The following KDM8 variants were observed in gnomAD, a reference collection of about 807,000 sequenced individuals.
KDM8 encodes the protein bifunctional peptidase and arginyl-hydroxylase JMJD5.
KDM8 carries 35 observed loss-of-function variants against 46.9 expected under a neutral mutation model. The observed-to-expected ratio is 0.75, with a 90% confidence interval of 0.57 to 0.99. KDM8 has a LOEUF of 0.99. Among genes scored for constraint, KDM8 ranks in the 50% least tolerant of loss-of-function variants. The pLI is 0.00. For synonymous variants in KDM8, 232 were observed against 227.7 expected, an observed-to-expected ratio of 1.02 and a Z score of -0.17; for missense variants, 475 against 537.0, an observed-to-expected ratio of 0.88 and a Z score of 1.14.
At chr16:27,206,117 G>C in intron 1 of KDM8, 1 of 458,652 alleles carries the variant, frequency 2.2e-6, no homozygotes, top group Non-Finnish European at 2.9e-6. Context: ...ACCCTTTTAT[G>C]TAGAGCTCTC....
rs2083527039 is a variant in KDM8, at chr16:27,214,653, C to T, written c.666-223C>T. 1.2e-5 allele frequency: 6 copies of T among 498,812 alleles called. No individual in the cohort carries two copies. In the Admixed American group the frequency reaches 1.6e-4, roughly 13 times the overall value. The allele number at this position is 498,812 out of a possible 1,614,324, so 30.9% of individuals were successfully genotyped here. A position where few individuals can be genotyped will look rare whatever the true frequency, so the allele number is the denominator to read the frequency against. ...CAGCCCAGCCAACCAGACTTACCGGCCCTGTCTGCAAAGCTGCACAGCACT... is the reference window on the plus strand; with the variant it reads ...CAGCCCAGCCAACCAGACTTACCGGTCCTGTCTGCAAAGCTGCACAGCACT... On this transcript the variant is annotated intron_variant, in intron 3 of 7. Transcript: ENST00000286096.
In KDM8 at chr16:27,203,554, G is replaced by A. The variant is rs2083394070; in HGVS notation, c.-114G>A. The stretch of plus-strand genomic sequence containing the variant: ...CCTATGCTAGCCTCTGGCTCCTCAG[G>A]GGACACAGCCGAGTGGTCGGACCAA... On this transcript the variant is annotated 5_prime_UTR_variant, in exon 1 of 8. Coordinates refer to ENST00000286096, the MANE Select transcript of KDM8 (RefSeq NM_024773.3). 6.5e-6 allele frequency: 1 copy of A among 153,066 alleles called. No individual in the cohort carries two copies. 9.5% of individuals were successfully genotyped at this position (153,066 alleles called of 1,614,324 possible). A position where few individuals can be genotyped will look rare whatever the true frequency, so the allele number is the denominator to read the frequency against.
At chr16:27,215,413 C>T (rs1379561709) in intron 4 of KDM8, among the ~76,000 whole-genome samples, 1 of 152,042 alleles carries the variant, frequency 6.6e-6, no homozygotes, top group Non-Finnish European at 1.5e-5. Flanking sequence ...AACCCTGTCT[C>T]TATAAAAAAT....
rs552775688 is a variant in KDM8 at position 27,221,074 on chromosome 16, T to C, written c.*344T>C. On this transcript the variant is annotated 3_prime_UTR_variant, in exon 8 of 8. Coordinates refer to ENST00000286096, the MANE Select transcript of KDM8 (RefSeq NM_024773.3). ...ACACAGGCAGGGGTGAAACATGGGC[T>C]CTGAGGTTGGCTACCTGATTCAAAC... is the stretch of plus-strand genomic sequence containing the variant. 17 of 379,526 alleles carry C rather than the reference T, an allele frequency of 4.5e-5. No individual in the cohort carries two copies. The highest frequency in any genetic ancestry group is 2.9e-4 in the Admixed American group (8 of 27,174). The allele number at this position is 379,526 out of a possible 1,614,324, so 23.5% of individuals were successfully genotyped here.
At position 27,219,099 on chromosome 16, in the gene KDM8, T is replaced by G. The variant is rs1351524855; in HGVS notation, c.982T>G (p.Phe328Val). 6.2e-7 allele frequency: 1 copy of G among 1,610,108 alleles called. No individual in the cohort carries two copies. The highest frequency in any genetic ancestry group is 1.7e-5 in the Admixed American group (1 of 59,744). The change falls in exon 6 of 8, where the codon TTC becomes GTC. Residue 328 changes from phenylalanine (F) to valine (V), a missense_variant. Phe to Val is a conservative substitution (Grantham distance 50). Transcript: ENST00000286096. ...ACTACATCAGGATCCCCAGCAAAAC[T>G]TCCTAGTGCAGGTTGGAGCTGCAGC... ...SPLHQDPQQN[F>V]LVQVMGRKYI...
chr16:27,217,597 T>C (rs1793868669), intron 5 of KDM8, among the ~76,000 whole-genome samples: 1 of 152,210 alleles, frequency 6.6e-6, no homozygotes, highest in Non-Finnish European at 1.5e-5. Flanking sequence ...ACAGCTGATT[T>C]GAGACAGGTT....
At chr16:27,220,203 C>G in intron 6 of KDM8, 190 bp from the exon 7 acceptor site, 1 of 603,622 alleles carries the variant, frequency 1.7e-6, no homozygotes, top group Non-Finnish European at 3.0e-6. Context: ...CCTGGATGAC[C>G]GAGTGAGACC....
At chr16:27,212,033 C>G (rs1041661747) in intron 2 of KDM8, among the ~76,000 whole-genome samples, 1 of 151,960 alleles carries the variant, frequency 6.6e-6, no homozygotes, top group Non-Finnish European at 1.5e-5. Flanking sequence ...AAAAGAAAAT[C>G]AAATAAAGGG....
At position 27,215,275 on chromosome 16, in the gene KDM8, T is replaced by G. The variant is rs149615377; in HGVS notation, c.798+267T>G. Among the ~76,000 whole-genome samples, 654 of 152,206 alleles carry G rather than the reference T, an allele frequency of 4.3e-3. 21 individuals carry two copies. The highest frequency in any genetic ancestry group is 0.039 in the Admixed American group (594 of 15,280). ...AAGTTGGACAGCTAAGTCTAGAGTA[T>G]GTGTATTTAAATTTTTAATAGCAGC... On this transcript the variant is annotated intron_variant, in intron 4 of 7. Transcript: ENST00000286096.
In KDM8 at chr16:27,210,453, T is replaced by C. The variant is rs757633053; in HGVS notation, c.330T>C (p.Pro110=). ...AAGCCCTGTGTCTGTGCCAGGCACCTGAGGATGCCAACACTGTGGCCGCAG... is the reference window on the plus strand; with the variant it reads ...AAGCCCTGTGTCTGTGCCAGGCACCCGAGGATGCCAACACTGTGGCCGCAG... ...LLKALCLCQA[P]EDANTVAAAL... Residue 110 remains proline, a synonymous_variant, in exon 2 of 8, where the codon CCT becomes CCC. Transcript: ENST00000286096. The C allele has an allele frequency of 6.3e-7, 1 of 1,597,418 alleles. No individual in the cohort carries two copies. The highest frequency in any genetic ancestry group is 8.6e-7 in the Non-Finnish European group (1 of 1,168,312).
chr16:27,215,615 T>C (rs1034930743), intron 4 of KDM8, among the ~76,000 whole-genome samples: 1 of 152,174 alleles, frequency 6.6e-6, no homozygotes, highest in Non-Finnish European at 1.5e-5. Flanking sequence ...AATTTATTTT[T>C]CCCAAAAGTT....
intron 6 of KDM8, chr16:27,220,192 G>A: frequency 1.7e-6 from 1 of 589,808 alleles, no homozygotes; most frequent in South Asian, 1.9e-5. Context: ...CTGCACTCCA[G>A]CCTGGATGAC....
chr16:27,210,048 A>C (rs1253377099), intron 1 of KDM8, 45 bp from the exon 2 acceptor site: 2 of 1,516,880 alleles, frequency 1.3e-6, no homozygotes, highest in Non-Finnish European at 8.8e-7. Flanking sequence ...ACAGGGGATC[A>C]GGTCTGTCCT....
chr16:27,205,823 A>G (rs1031433413), intron 1 of KDM8, among the ~76,000 whole-genome samples: 1 of 152,144 alleles, frequency 6.6e-6, no homozygotes, highest in Non-Finnish European at 1.5e-5. Context: ...GAGTGACAGA[A>G]AGACTCTGTC....
chr16:27,204,481 A>G (rs2083408812), intron 1 of KDM8: 1 of 552,162 alleles, frequency 1.8e-6, no homozygotes, highest in Non-Finnish European at 2.7e-6. Flanking sequence ...TTTTTGCACA[A>G]TTTTTGTGGA....
intron 1 of KDM8, among the ~76,000 whole-genome samples, chr16:27,207,875 G>A (rs2077163956): frequency 6.6e-6 from 1 of 152,262 alleles, no homozygotes; most frequent in Non-Finnish European, 1.5e-5. Flanking sequence ...GCCCTGCTGG[G>A]GGATAGTGTA....
intron 1 of KDM8, among the ~76,000 whole-genome samples, chr16:27,205,651 AAC>A (rs2083420797): frequency 6.6e-6 from 1 of 152,182 alleles, no homozygotes. Flanking sequence ...CAGCCTGGGC[AAC>A]AGAGTGAAAC....
At chr16:27,211,530 G>A (rs780611613) in intron 2 of KDM8, 17 of 206,068 alleles carry the variant, frequency 8.2e-5, no homozygotes, top group Admixed American at 2.8e-4. Context: ...TTTGAGCCTC[G>A]GTTTCCTTGT....
Position 27,218,954 on chromosome 16 carries a change from C to T in KDM8, c.844-7C>T, listed in dbSNP as rs527814663. 1 of 1,614,056 alleles carries T rather than the reference C, an allele frequency of 6.2e-7. No homozygotes were observed. The highest frequency in any genetic ancestry group is 2.2e-5 in the East Asian group (1 of 44,890). ...CCCACATCTCATGTCTGCTCTGCCG[C>T]CCACAGATCCCGGAGTTGAAGCAGG... On this transcript the variant is annotated splice_region_variant and splice_polypyrimidine_tract_variant and intron_variant, in intron 5 of 7. Transcript: ENST00000286096.
Sources: gnomAD v4.1 joint callset for allele counts (sites outside exome capture counted in the v4.1 genomes callset) on GRCh38, gnomAD v4.1.1 for gene constraint, MANE v1.5 for transcripts, NCBI Gene and HGNC (gene_info 2026-07-23, HGNC 2026-07-21) for gene names.